The following CYTH1 variants were observed in gnomAD, a reference collection of about 807,000 sequenced individuals.
CYTH1 encodes the protein cytohesin-1.
Under a neutral mutation model 61.8 loss-of-function variants are expected in CYTH1, and 18 were observed. The ratio of observed to expected loss-of-function variants is 0.29; its 90% confidence interval spans 0.20 to 0.43. The LOEUF (loss-of-function observed/expected upper bound fraction) is 0.43. CYTH1 is among the 20% of genes least tolerant of loss of function. The pLI, the probability that CYTH1 is intolerant of heterozygous loss-of-function variation, is 1.00. For missense variants in CYTH1, 336 were observed against 510.5 expected, an observed-to-expected ratio of 0.66 and a Z score of 3.29; for synonymous variants, 174 against 184.3, an observed-to-expected ratio of 0.94 and a Z score of 0.45.
chr17:78,769,047 G>C (rs1477394965), intron 1 of CYTH1, among the ~76,000 whole-genome samples: 1 of 151,922 alleles, frequency 6.6e-6, no homozygotes, highest in Non-Finnish European at 1.5e-5. Flanking sequence ...TCAGGAGGCT[G>C]AGGCACGAGA....
chr17:78,749,912 A>G (rs542841206), intron 1 of CYTH1, among the ~76,000 whole-genome samples: 47 of 152,332 alleles, frequency 3.1e-4, no homozygotes, highest in African/African-American at 1.1e-3. Flanking sequence ...TGCAGAAACT[A>G]CTATTACCCA....
chr17:78,685,122 C>A (rs572096202), intron 11 of CYTH1, among the ~76,000 whole-genome samples: 1 of 150,310 alleles, frequency 6.7e-6, no homozygotes, highest in African/African-American at 2.4e-5. Flanking sequence ...TTTCTTGAAT[C>A]CGGGAGGCGG....
intron 1 of CYTH1, among the ~76,000 whole-genome samples, chr17:78,731,530 T>C (rs980204750): frequency 1.3e-5 from 2 of 151,556 alleles, no homozygotes; most frequent in African/African-American, 2.4e-5. Context: ...GAGGCCGAGG[T>C]GGGCAGATCA....
At chr17:78,743,673 T>C (rs531868604) in intron 1 of CYTH1, among the ~76,000 whole-genome samples, 1 of 152,380 alleles carries the variant, frequency 6.6e-6, no homozygotes, top group African/African-American at 2.4e-5. Context: ...TTCATTCATT[T>C]AATATCTGAG....
At chr17:78,764,929 A>AG (rs2093442379) in intron 1 of CYTH1, among the ~76,000 whole-genome samples, 1 of 151,872 alleles carries the variant, frequency 6.6e-6, no homozygotes, top group Non-Finnish European at 1.5e-5. Context: ...CCGGGGGATG[A>AG]GCATTATTGG....
chr17:78,765,408 T>C (rs2093444533), intron 1 of CYTH1, among the ~76,000 whole-genome samples: 1 of 152,228 alleles, frequency 6.6e-6, no homozygotes, highest in Non-Finnish European at 1.5e-5. Context: ...TTTAATTTCC[T>C]CCATGCTTTG....
At chr17:78,720,717 A>T (rs1293447042) in intron 1 of CYTH1, among the ~76,000 whole-genome samples, 2 of 152,202 alleles carry the variant, frequency 1.3e-5, no homozygotes, top group Non-Finnish European at 2.9e-5. Context: ...TCTACAAAAA[A>T]TACAAAAGTT....
intron 1 of CYTH1, among the ~76,000 whole-genome samples, chr17:78,763,137 G>A (rs1191018855): frequency 6.6e-6 from 1 of 151,724 alleles, no homozygotes; most frequent in African/African-American, 2.4e-5. Flanking sequence ...TGAGGTCAGG[G>A]GTTCGAGACC....
chr17:78,782,158 G>C, intron 1 of CYTH1, 44 bp downstream of exon 1: 1 of 1,342,888 alleles, frequency 7.4e-7, no homozygotes, highest in Non-Finnish European at 9.7e-7. Flanking sequence ...GGAGGGGACT[G>C]GGGGACAGCG....
intron 1 of CYTH1, among the ~76,000 whole-genome samples, chr17:78,781,022 AAATAAAATAAAAT>A (rs1446146728): frequency 8.6e-5 from 13 of 151,672 alleles, no homozygotes; most frequent in Admixed American, 2.0e-4. Context: ...AAATAAAATA[AAATAAAATAAAAT>A]AATAAAATAA....
At chr17:78,781,453 C>A (rs1160670051) in intron 1 of CYTH1, among the ~76,000 whole-genome samples, 1 of 152,238 alleles carries the variant, frequency 6.6e-6, no homozygotes, top group Non-Finnish European at 1.5e-5. Context: ...GGGAGCGGGA[C>A]AGCGGCTCCG....
intron 10 of CYTH1, among the ~76,000 whole-genome samples, chr17:78,694,056 C>A (rs1377244711): frequency 6.6e-6 from 1 of 152,178 alleles, no homozygotes. Context: ...TTCTAACTGC[C>A]AGGACCTGCC....
intron 1 of CYTH1, among the ~76,000 whole-genome samples, chr17:78,752,414 C>T (rs1394752396): frequency 6.6e-6 from 1 of 152,050 alleles, no homozygotes; most frequent in Non-Finnish European, 1.5e-5. Flanking sequence ...ACAATGCTGC[C>T]GATCATCTCA....
chr17:78,674,854 TGAG>T lies in CYTH1; in HGVS notation c.*1234_*1236del, dbSNP rs940688650. The T allele has an allele frequency of 2.0e-5, 3 of 152,476 alleles. No homozygotes were observed. Among genetic ancestry groups the T allele is most frequent in the Non-Finnish European group, 1.5e-5 (1 of 68,318 alleles). The allele number at this position is 152,476 out of a possible 1,614,324, so 9.4% of individuals were successfully genotyped here. ...TGTCACGGCTCCCTTCATACTGTAA[TGAG>T]GAGGGGCAGGGCCAGCTCACACAGC... On this transcript the variant is annotated 3_prime_UTR_variant, in exon 14 of 14. Transcript: ENST00000446868.
At chr17:78,740,516 C>T (rs2093338223) in intron 1 of CYTH1, among the ~76,000 whole-genome samples, 1 of 152,236 alleles carries the variant, frequency 6.6e-6, no homozygotes, top group Non-Finnish European at 1.5e-5. Context: ...CCTGGCCAGG[C>T]AGCGTCCCTT....
chr17:78,701,589 A>G, intron 6 of CYTH1, 82 bp downstream of exon 6: 1 of 1,276,050 alleles, frequency 7.8e-7, no homozygotes, highest in South Asian at 1.3e-5. Flanking sequence ...TATAATTTCA[A>G]TAAAATGCCC....
intron 3 of CYTH1, among the ~76,000 whole-genome samples, chr17:78,704,984 C>T (rs538035210): frequency 9.9e-5 from 15 of 152,178 alleles, no homozygotes; most frequent in Non-Finnish European, 1.8e-4. Context: ...GACCAGGTAT[C>T]TAGAAATTCC....
chr17:78,690,278 C>T (rs1385612756), intron 11 of CYTH1, among the ~76,000 whole-genome samples: 2 of 151,376 alleles, frequency 1.3e-5, no homozygotes, highest in Non-Finnish European at 2.9e-5. Flanking sequence ...CCTGTAGTCC[C>T]AGCTACTCCG....
intron 1 of CYTH1, chr17:78,723,177 T>G (rs923525506): frequency 6.5e-6 from 1 of 152,878 alleles, no homozygotes; most frequent in Non-Finnish European, 1.5e-5. Context: ...GGAAATCTGC[T>G]GACAGGGCTC....
Sources: gnomAD v4.1 joint callset for allele counts (sites outside exome capture counted in the v4.1 genomes callset) on GRCh38, gnomAD v4.1.1 for gene constraint, MANE v1.5 for transcripts, NCBI Gene and HGNC (gene_info 2026-07-23, HGNC 2026-07-21) for gene names.